MIPEP: variants seen among roughly 807,000 people sequenced by gnomAD.
MIPEP encodes mitochondrial intermediate peptidase.
In MIPEP, 79 loss-of-function variants were observed where a neutral mutation model predicts 90.3. The ratio of observed to expected loss-of-function variants is 0.87; its 90% confidence interval spans 0.73 to 1.05. The LOEUF (loss-of-function observed/expected upper bound fraction) is 1.05, where lower values mean the gene tolerates loss of function less well. Ranked by LOEUF, MIPEP falls within the 50% of genes least tolerant of loss-of-function variation. MIPEP has a pLI of 0.00. For synonymous variants in MIPEP, 334 were observed against 315.8 expected (o/e 1.06, Z -0.61); for missense variants, 940 against 905.6 (o/e 1.04, Z -0.49).
chr13:23,888,063 C>A, intron 1 of MIPEP: 2 of 405,864 alleles, frequency 4.9e-6, no homozygotes, highest in South Asian at 1.8e-5. Context: ...AAAATCAATT[C>A]TAAAATTTGA....
At chr13:23,874,094 T>C (rs1870952732) in intron 5 of MIPEP, among the ~76,000 whole-genome samples, 1 of 152,234 alleles carries the variant, frequency 6.6e-6, no homozygotes, top group African/African-American at 2.4e-5. Flanking sequence ...TTCTACCATA[T>C]TTACTAGGAA....
At chr13:23,760,740 C>T (rs1264437112) in intron 16 of MIPEP, among the ~76,000 whole-genome samples, 1 of 152,188 alleles carries the variant, frequency 6.6e-6, no homozygotes, top group Non-Finnish European at 1.5e-5. Context: ...CACACTAAGA[C>T]ATACACAAAG....
intron 18 of MIPEP, among the ~76,000 whole-genome samples, chr13:23,733,806 T>C (rs1952230965): frequency 6.6e-6 from 1 of 152,244 alleles, no homozygotes; most frequent in African/African-American, 2.4e-5. Context: ...AACAGCTCTA[T>C]CTTAGGTACT....
intron 16 of MIPEP, among the ~76,000 whole-genome samples, chr13:23,800,012 T>C (rs1407550399): frequency 6.6e-6 from 1 of 152,192 alleles, no homozygotes; most frequent in African/African-American, 2.4e-5. Flanking sequence ...AAAAGGAGTC[T>C]CACTGGTGGC....
chr13:23,770,131 G>A (rs1952633133), intron 16 of MIPEP, among the ~76,000 whole-genome samples: 1 of 152,154 alleles, frequency 6.6e-6, no homozygotes, highest in African/African-American at 2.4e-5. Context: ...AATGGGCTAG[G>A]AAAGGGCCTA....
At chr13:23,884,199 G>C (rs552890257) in intron 2 of MIPEP, among the ~76,000 whole-genome samples, 22 of 151,272 alleles carry the variant, frequency 1.5e-4, no homozygotes, top group Non-Finnish European at 2.7e-4. Context: ...ACAGATTAGT[G>C]GTTGCCAGAG....
intron 10 of MIPEP, chr13:23,842,443 T>G (rs777697161): frequency 6.6e-6 from 1 of 152,192 alleles, no homozygotes; most frequent in Non-Finnish European, 1.5e-5. Context: ...ATCCACAAAT[T>G]TACACCTTAA....
intron 1 of MIPEP, 94 bp from the exon 2 acceptor site, chr13:23,886,600 T>A (rs1794286482): frequency 4.0e-6 from 4 of 1,001,878 alleles, no homozygotes; most frequent in African/African-American, 1.7e-5. Flanking sequence ...AAAGGAGATC[T>A]TGACTTTCAT....
At chr13:23,844,180 G>GAGA (rs71070624) in intron 10 of MIPEP, among the ~76,000 whole-genome samples, 149,357 of 151,958 alleles carry the variant, frequency 0.98, 73,459 homozygotes, top group East Asian at 1. Context: ...GATGCGGGCA[G>GAGA]AGAAGGTAAA....
intron 14 of MIPEP, among the ~76,000 whole-genome samples, chr13:23,828,267 C>A (rs1868561730): frequency 1.3e-5 from 2 of 152,146 alleles, no homozygotes; most frequent in African/African-American, 4.8e-5. Context: ...CTTTAAACAC[C>A]AGGATCAAGG....
At chr13:23,819,335 T>TA (rs1472691563) in intron 14 of MIPEP, among the ~76,000 whole-genome samples, 1 of 152,222 alleles carries the variant, frequency 6.6e-6, no homozygotes, top group East Asian at 1.9e-4. Context: ...CAGTGTCATA[T>TA]GGAAGCTCCC....
chr13:23,796,721 C>T (rs548786706), intron 16 of MIPEP, among the ~76,000 whole-genome samples: 28 of 152,144 alleles, frequency 1.8e-4, no homozygotes, highest in Non-Finnish European at 3.1e-4. Flanking sequence ...AAAGTTAATC[C>T]GGATGAGCAC....
At chr13:23,888,011 T>C (rs1034102950) in intron 1 of MIPEP, 7 of 389,740 alleles carry the variant, frequency 1.8e-5, no homozygotes, top group East Asian at 7.4e-5. Flanking sequence ...CCAGTGACCA[T>C]AATGCTAAAA....
chr13:23,747,541 C>G (rs1952396690), intron 18 of MIPEP: 1 of 512,074 alleles, frequency 2.0e-6, no homozygotes, highest in Non-Finnish European at 3.9e-6. Context: ...GGAGGAAGGG[C>G]AGGATAGGAG....
At chr13:23,825,653 G>C (rs572633284) in intron 14 of MIPEP, among the ~76,000 whole-genome samples, 1 of 152,288 alleles carries the variant, frequency 6.6e-6, no homozygotes, top group South Asian at 2.1e-4. Flanking sequence ...ATACTGACTT[G>C]ATCAACTCTA....
intron 18 of MIPEP, among the ~76,000 whole-genome samples, chr13:23,734,563 G>C (rs1350162767): frequency 6.6e-6 from 1 of 152,158 alleles, no homozygotes; most frequent in African/African-American, 2.4e-5. Context: ...GAAATTATCT[G>C]TCTGGAAGCT....
At chr13:23,774,992 T>A (rs1156951102) in intron 16 of MIPEP, among the ~76,000 whole-genome samples, 1 of 151,250 alleles carries the variant, frequency 6.6e-6, no homozygotes, top group Non-Finnish European at 1.5e-5. Flanking sequence ...GACAGGGGGG[T>A]TTTGCCATGT....
At chr13:23,856,449 C>G (rs1870051153) in intron 10 of MIPEP, among the ~76,000 whole-genome samples, 1 of 152,178 alleles carries the variant, frequency 6.6e-6, no homozygotes, top group Admixed American at 6.5e-5. Context: ...CGCCCAGAGC[C>G]AGGCTTGTGG....
chr13:23,751,151 C>G (rs1211159659), intron 18 of MIPEP, among the ~76,000 whole-genome samples: 1 of 152,152 alleles, frequency 6.6e-6, no homozygotes, highest in African/African-American at 2.4e-5. Context: ...TCATTGTTTG[C>G]ATTAATCTTC....
Sources: allele counts gnomAD v4.1 joint callset (sites outside exome capture counted in the v4.1 genomes callset), GRCh38; gene constraint gnomAD v4.1.1; transcripts MANE v1.5; gene names NCBI Gene and HGNC (gene_info 2026-07-23, HGNC 2026-07-21).